The following PRKCB variants were observed in gnomAD, a reference collection of about 807,000 sequenced individuals.
PRKCB encodes the protein protein kinase C beta.
PRKCB carries 13 observed loss-of-function variants against 81.5 expected under a neutral mutation model. That is an observed-to-expected ratio of 0.16 (90% CI 0.10 to 0.25). The LOEUF is 0.25. PRKCB is among the 10% of genes least tolerant of loss of function. The probability of loss-of-function intolerance (pLI) is 1.00; values close to 1 mark genes in which losing one functional copy is unlikely to be tolerated. For missense variants in PRKCB, 509 were observed against 875.7 expected, an observed-to-expected ratio of 0.58 and a Z score of 5.29; for synonymous variants, 335 against 321.4, an observed-to-expected ratio of 1.04 and a Z score of -0.45.
At chr16:24,184,292 C>G (rs555155048) in intron 13 of PRKCB, among the ~76,000 whole-genome samples, 1 of 152,014 alleles carries the variant, frequency 6.6e-6, no homozygotes, top group South Asian at 2.1e-4. Context: ...CCCATCCCTA[C>G]AAAAAATTAA....
At chr16:24,095,138 T>A (rs1031912720) in intron 7 of PRKCB, among the ~76,000 whole-genome samples, 4 of 152,326 alleles carry the variant, frequency 2.6e-5, no homozygotes, top group South Asian at 4.1e-4. Flanking sequence ...AGACTGTAAC[T>A]GCCCAGTGGC....
chr16:24,126,782 C>T (rs1205774537), intron 9 of PRKCB, among the ~76,000 whole-genome samples: 3 of 151,338 alleles, frequency 2.0e-5, no homozygotes, highest in Admixed American at 6.6e-5. Context: ...GTGATCCGTT[C>T]GCCTCGGCCT....
intron 2 of PRKCB, among the ~76,000 whole-genome samples, chr16:23,876,593 A>T (rs1431525487): frequency 2.0e-5 from 3 of 150,530 alleles, no homozygotes; most frequent in African/African-American, 7.3e-5. Flanking sequence ...AAAAAAAAAA[A>T]TGACATTTGC....
chr16:24,131,952 CAA>C (rs565550597), intron 9 of PRKCB, among the ~76,000 whole-genome samples: 101 of 152,282 alleles, frequency 6.6e-4, no homozygotes, highest in African/African-American at 2.3e-3. Flanking sequence ...CTGGAAGTTA[CAA>C]AAAGTCTCTG....
intron 5 of PRKCB, among the ~76,000 whole-genome samples, chr16:24,065,002 A>G (rs557331458): frequency 2.0e-5 from 3 of 147,938 alleles, no homozygotes; most frequent in South Asian, 4.2e-4. Context: ...GTGTATATAT[A>G]TATATAAAAA....
At position 24,215,543 on chromosome 16, in the gene PRKCB, A is replaced by G. The variant is rs549923790; in HGVS notation, c.*727A>G. The G allele has an allele frequency of 5.2e-5, 51 of 985,738 alleles. No homozygotes were observed. In the South Asian group the frequency reaches 2.1e-3, roughly 40 times the overall value. The allele number at this position is 985,738 out of a possible 1,614,324, so 61.1% of individuals were successfully genotyped here. A position where few individuals can be genotyped will look rare whatever the true frequency, so the allele number is the denominator to read the frequency against. ...ATTTGGCACCACTCTCTGAAACAAC[A>G]CAGTCACTCTAGCAAGGCCCCCAAA... On this transcript the variant is annotated 3_prime_UTR_variant, in exon 17 of 17. Coordinates refer to ENST00000643927, the MANE Select transcript of PRKCB (RefSeq NM_002738.7).
chr16:24,045,870 C>T lies in PRKCB; in HGVS notation c.529+10323C>T, dbSNP rs146210722. 3.7e-3 allele frequency among the ~76,000 whole-genome samples: 565 copies of T among 152,356 alleles called. 1 individual carries two copies. The highest frequency in any genetic ancestry group is 0.013 in the African/African-American group (520 of 41,584). Reference sequence around the variant, plus strand: ...TCCACTAGATGGCAGGCCTTACCTGCGCTTGGCTCCTGCGCAGACCACCAC... The same window carrying T: ...TCCACTAGATGGCAGGCCTTACCTGTGCTTGGCTCCTGCGCAGACCACCAC... On this transcript the variant is annotated intron_variant, in intron 5 of 16. Coordinates refer to ENST00000643927, the MANE Select transcript of PRKCB (RefSeq NM_002738.7).
intron 2 of PRKCB, among the ~76,000 whole-genome samples, chr16:23,923,237 CA>C (rs1567315022): frequency 6.6e-6 from 1 of 151,950 alleles, no homozygotes; most frequent in African/African-American, 2.4e-5. Context: ...TTGTCTGATC[CA>C]GGGGTTTGTT....
chr16:24,095,868 C>T (rs1046847294), intron 7 of PRKCB, among the ~76,000 whole-genome samples: 1 of 151,592 alleles, frequency 6.6e-6, no homozygotes, highest in Admixed American at 6.6e-5. Flanking sequence ...AATCTTGTGA[C>T]CTCTGGAATA....
At chr16:24,019,162 G>GT (rs898425065) in intron 3 of PRKCB, among the ~76,000 whole-genome samples, 28 of 144,396 alleles carry the variant, frequency 1.9e-4, no homozygotes, top group South Asian at 2.2e-4. Flanking sequence ...CTTGTATTAG[G>GT]TTTTTTTTTT....
intron 2 of PRKCB, among the ~76,000 whole-genome samples, chr16:23,947,165 C>T (rs145610160): frequency 2.0e-4 from 31 of 152,304 alleles, no homozygotes; most frequent in African/African-American, 7.0e-4. Context: ...CCATGGATCA[C>T]ACTTTGAGTA....
At position 24,115,327 on chromosome 16, in the gene PRKCB, A is replaced by G. The variant is rs1259822325; in HGVS notation, c.918+2258A>G. On this transcript the variant is annotated intron_variant, in intron 8 of 16. Transcript: ENST00000643927. ...ATTTATCCCAAAAGTATTTATCCCA[A>G]TGATTTTAGCATTTATCCAAAGAGT... 2.1e-5 allele frequency among the ~76,000 whole-genome samples: 3 copies of G among 144,116 alleles called. No homozygotes were observed. The East Asian group carries it at 5.9e-4, about 28-fold the overall frequency. 94.5% of individuals were successfully genotyped at this position (144,116 alleles called of 152,430 possible).
Position 24,217,519 on chromosome 16 carries a change from A to C in PRKCB, c.*2703A>C. The stretch of plus-strand genomic sequence containing the variant: ...TATCAACCTCAAAGAAATGATCTCA[A>C]CAGAGAAGCTTATTCTCTCCCAACT... On this transcript the variant is annotated 3_prime_UTR_variant, in exon 17 of 17. Coordinates refer to ENST00000643927, the MANE Select transcript of PRKCB (RefSeq NM_002738.7). 1 of 985,454 alleles carries C rather than the reference A, an allele frequency of 1.0e-6. No homozygotes were observed. The highest frequency in any genetic ancestry group is 1.2e-6 in the Non-Finnish European group (1 of 829,940). The allele number at this position is 985,454 out of a possible 1,614,324, so 61.0% of individuals were successfully genotyped here. A position where few individuals can be genotyped will look rare whatever the true frequency, so the allele number is the denominator to read the frequency against.
intron 2 of PRKCB, among the ~76,000 whole-genome samples, chr16:23,931,135 G>T (rs751299984): frequency 6.6e-6 from 1 of 152,188 alleles, no homozygotes; most frequent in African/African-American, 2.4e-5. Context: ...GTGAAGACAC[G>T]CTCAAAGACC....
At chr16:24,180,724 T>G in intron 12 of PRKCB, 66 bp from the exon 13 acceptor site, 3 of 1,559,970 alleles carry the variant, frequency 1.9e-6, no homozygotes, top group Non-Finnish European at 1.7e-6. Flanking sequence ...GCATAATGAG[T>G]GGCTGTTGGT....
At chr16:23,929,212 TG>T (rs1963938453) in intron 2 of PRKCB, among the ~76,000 whole-genome samples, 1 of 151,996 alleles carries the variant, frequency 6.6e-6, no homozygotes, top group Non-Finnish European at 1.5e-5. Context: ...AGGACATTTG[TG>T]GGAAATTGTA....
intron 2 of PRKCB, among the ~76,000 whole-genome samples, chr16:23,952,068 A>G (rs1012899634): frequency 5.9e-5 from 9 of 152,058 alleles, no homozygotes; most frequent in African/African-American, 1.9e-4. Context: ...TTGTGCCTGA[A>G]TGAGTTTTTT....
At chr16:23,952,431 C>G (rs1460155624) in intron 2 of PRKCB, among the ~76,000 whole-genome samples, 3 of 152,096 alleles carry the variant, frequency 2.0e-5, no homozygotes, top group Non-Finnish European at 2.9e-5. Context: ...CTCAGAGGAC[C>G]TGTGTATGTG....
At chr16:23,966,076 C>G (rs1207162399) in intron 2 of PRKCB, among the ~76,000 whole-genome samples, 11 of 152,242 alleles carry the variant, frequency 7.2e-5, no homozygotes, top group Non-Finnish European at 1.6e-4. Context: ...CTGAGCAAAA[C>G]TCTGCTCTTG....
Sources: gnomAD v4.1 joint callset for allele counts (sites outside exome capture counted in the v4.1 genomes callset) on GRCh38, gnomAD v4.1.1 for gene constraint, MANE v1.5 for transcripts, NCBI Gene and HGNC (gene_info 2026-07-23, HGNC 2026-07-21) for gene names.